The following SMG7 variants were observed in gnomAD, a reference collection of about 807,000 sequenced individuals.
The protein encoded by SMG7 is nonsense-mediated mRNA decay factor SMG7.
A neutral mutation model predicts 148.2 loss-of-function variants in SMG7; 34 were observed. The observed-to-expected ratio is 0.23, with a 90% CI of 0.17 to 0.31. The LOEUF (loss-of-function observed/expected upper bound fraction) is 0.31. Among genes scored for constraint, SMG7 ranks in the 10% least tolerant of loss-of-function variants. The pLI, the probability that SMG7 is intolerant of heterozygous loss-of-function variation, is 1.00. For synonymous variants in SMG7, 492 were observed against 515.1 expected (o/e 0.96, Z 0.61); for missense variants, 1,114 against 1,408.4 (o/e 0.79, Z 3.35).
At chr1:183,498,311 T>G (rs1658994437) in intron 1 of SMG7, among the ~76,000 whole-genome samples, 1 of 152,144 alleles carries the variant, frequency 6.6e-6, no homozygotes, top group Admixed American at 6.5e-5. Flanking sequence ...CGGGAAGATC[T>G]TGAGCCTAGG....
chr1:183,511,606 G>A (rs904572905), intron 1 of SMG7, among the ~76,000 whole-genome samples: 1 of 152,186 alleles, frequency 6.6e-6, no homozygotes, highest in Non-Finnish European at 1.5e-5. Flanking sequence ...GTCGAATGTT[G>A]TAGGACAGTT....
intron 1 of SMG7, among the ~76,000 whole-genome samples, chr1:183,487,818 T>C (rs1011629441): frequency 2.0e-5 from 3 of 152,182 alleles, no homozygotes; most frequent in Non-Finnish European, 2.9e-5. Context: ...AAATATATAA[T>C]GGGAAGCAGG....
chr1:183,473,706 CT>C, intron 1 of SMG7: 1 of 983,292 alleles, frequency 1.0e-6, no homozygotes, highest in Non-Finnish European at 1.2e-6. Flanking sequence ...AAAATTGGTC[CT>C]TTTTGTCTTT....
chr1:183,511,088 G>A (rs996913982), intron 1 of SMG7, among the ~76,000 whole-genome samples: 8 of 151,900 alleles, frequency 5.3e-5, no homozygotes, highest in Non-Finnish European at 1.2e-4. Flanking sequence ...CTTGAGCCCA[G>A]GAGTTGAAGA....
At chr1:183,533,051 T>G (rs1667145880) in intron 8 of SMG7, 113 bp from the exon 9 acceptor site, 3 of 840,270 alleles carry the variant, frequency 3.6e-6, no homozygotes, top group Non-Finnish European at 3.8e-6. Flanking sequence ...TTTACTCATC[T>G]GTAATTCTAT....
intron 22 of SMG7, among the ~76,000 whole-genome samples, chr1:183,551,410 A>C (rs1304431728): frequency 2.6e-5 from 4 of 152,246 alleles, no homozygotes; most frequent in African/African-American, 7.2e-5. Flanking sequence ...TCAGGAGGAC[A>C]AAAACAAAGG....
intron 1 of SMG7, among the ~76,000 whole-genome samples, chr1:183,505,196 C>T (rs1374852914): frequency 6.6e-6 from 1 of 151,970 alleles, no homozygotes; most frequent in African/African-American, 2.4e-5. Context: ...TAAGAGTTGA[C>T]GTAAACTTCT....
rs770916345 is a variant in SMG7 at position 183,545,157 on chromosome 1, C to T, written c.2215C>T (p.Pro739Ser). ...MNQGPQQSQP[P>S]SQQPLTSLPA... ...CCAGGGACCTCAACAATCACAGCCACCTTCCCAGCAACCCCTTACATCTTT... is the reference window on the plus strand; with the variant it reads ...CCAGGGACCTCAACAATCACAGCCATCTTCCCAGCAACCCCTTACATCTTT... Residue 739 changes from proline to serine, a missense_variant, in exon 16 of 23, where the codon CCT becomes TCT. Pro to Ser is a moderately conservative substitution (Grantham distance 74, BLOSUM62 -1). This residue lies in a region of SMG7 where 788 missense variants were observed against 894.5 expected (regional missense o/e 0.88). Transcript: ENST00000688051. 8.1e-6 allele frequency: 13 copies of T among 1,614,098 alleles called. No homozygotes were observed. Among genetic ancestry groups the T allele is most frequent in the Non-Finnish European group, 1.1e-5 (13 of 1,180,012 alleles).
Position 183,545,150 on chromosome 1 carries a change from A to G in SMG7, c.2208A>G (p.Ser736=), listed in dbSNP as rs773290136. The part of the protein sequence containing the change: ...PGPMNQGPQQ[S]QPPSQQPLTS... ...CAATGAACCAGGGACCTCAACAATC[A>G]CAGCCACCTTCCCAGCAACCCCTTA... Residue 736 remains serine (S), a synonymous_variant, in exon 16 of 23, where the codon TCA becomes TCG. Coordinates refer to ENST00000688051, the MANE Select transcript of SMG7 (RefSeq NM_001375584.1). 4.3e-6 allele frequency: 7 copies of G among 1,613,904 alleles called. No homozygotes were observed. The South Asian group carries it at 7.7e-5, about 18-fold the overall frequency.
At position 183,545,059 on chromosome 1, in the gene SMG7, A is replaced by G; in HGVS notation, c.2117A>G (p.Asn706Ser). ...LQPTAHSPAG[N>S]QVQAGKQSHI... is the part of the protein sequence containing the mutation. ...CCTACAGCTCACTCTCCAGCAGGAA[A>G]CCAGGTGCAAGCTGGGAAACAGTCC... The change falls in exon 16 of 23, where the codon AAC (asparagine) becomes AGC (serine). Residue 706 changes from asparagine to serine, a missense_variant. Physicochemically the swap from Asn to Ser is conservative, Grantham distance 46 (BLOSUM62 1). Around this residue, in one of 4 missense-constraint regions of SMG7, gnomAD observed 788 missense variants for 894.5 expected, o/e 0.88. Transcript: ENST00000688051. The G allele has an allele frequency of 6.2e-7, 1 of 1,614,072 alleles. No homozygotes were observed. Among genetic ancestry groups the G allele is most frequent in the Non-Finnish European group, 8.5e-7 (1 of 1,180,002 alleles).
intron 1 of SMG7, among the ~76,000 whole-genome samples, chr1:183,500,279 G>A (rs1399882011): frequency 6.6e-6 from 1 of 152,056 alleles, no homozygotes; most frequent in Non-Finnish European, 1.5e-5. Flanking sequence ...TGAAAACAAA[G>A]TGTGAATTTC....
Position 183,544,955 on chromosome 1 carries a change from C to T in SMG7, c.2013C>T (p.Ile671=), listed in dbSNP as rs766765014. 1 of 1,613,496 alleles carries T rather than the reference C, an allele frequency of 6.2e-7. No homozygotes were observed. The highest frequency in any genetic ancestry group is 8.5e-7 in the Non-Finnish European group (1 of 1,179,730). ...RPGFPPPTYV[I]PPPVAFSMGS... is the part of the protein sequence containing the mutation. ...GGTTTCCGCCCCCAACATATGTTATCCCCCCGCCTGTGGCATTTTCTATGG... is the reference window on the plus strand; with the variant it reads ...GGTTTCCGCCCCCAACATATGTTATTCCCCCGCCTGTGGCATTTTCTATGG... Residue 671 remains isoleucine (I), a synonymous_variant, in exon 16 of 23, where the codon ATC becomes ATT. Coordinates refer to ENST00000688051, the MANE Select transcript of SMG7 (RefSeq NM_001375584.1).
chr1:183,529,881 C>G (rs764054310), intron 8 of SMG7, among the ~76,000 whole-genome samples: 1 of 152,106 alleles, frequency 6.6e-6, no homozygotes, highest in Non-Finnish European at 1.5e-5. Flanking sequence ...TAGATATTGG[C>G]ATTCTCCAAA....
intron 22 of SMG7, 72 bp from the exon 23 acceptor site, chr1:183,551,746 C>G: frequency 8.3e-7 from 1 of 1,205,350 alleles, no homozygotes; most frequent in Non-Finnish European, 1.1e-6. Context: ...TTATATTTGG[C>G]TGGGATTGAA....
intron 10 of SMG7, among the ~76,000 whole-genome samples, chr1:183,536,148 A>T (rs183090719): frequency 3.3e-5 from 5 of 152,208 alleles, no homozygotes; most frequent in African/African-American, 1.2e-4. Flanking sequence ...AAATTGGTTG[A>T]TACATATTCA....
Position 183,553,399 on chromosome 1 carries a change from T to A in SMG7, c.*1468T>A. The A allele has an allele frequency of 1.7e-6, 1 of 605,002 alleles. No homozygotes were observed. Among genetic ancestry groups the A allele is most frequent in the South Asian group, 2.0e-5 (1 of 49,848 alleles). 37.5% of individuals were successfully genotyped at this position (605,002 alleles called of 1,614,324 possible). A position where few individuals can be genotyped will look rare whatever the true frequency, so the allele number is the denominator to read the frequency against. On this transcript the variant is annotated 3_prime_UTR_variant, in exon 23 of 23. Coordinates refer to ENST00000688051, the MANE Select transcript of SMG7 (RefSeq NM_001375584.1). Reference sequence around the variant, plus strand: ...GAGGTCTCTCCTTTGTGTGTCTGTATGTTTGTGTACACACACGTGCCCATC... The same window carrying A: ...GAGGTCTCTCCTTTGTGTGTCTGTAAGTTTGTGTACACACACGTGCCCATC...
chr1:183,522,212 G>A (rs1664918351), intron 4 of SMG7, among the ~76,000 whole-genome samples: 1 of 152,070 alleles, frequency 6.6e-6, no homozygotes, highest in Non-Finnish European at 1.5e-5. Flanking sequence ...TTTGAAATAA[G>A]CAATTGAATA....
chr1:183,472,612 C>CGGCGGA lies in SMG7; in HGVS notation c.-6_-1dup, dbSNP rs1650919782. 6.9e-7 allele frequency: 1 copy of CGGCGGA among 1,444,144 alleles called. No homozygotes were observed. The highest frequency in any genetic ancestry group is 1.4e-5 in the African/African-American group (1 of 69,052). 89.5% of individuals were successfully genotyped at this position (1,444,144 alleles called of 1,614,324 possible). On this transcript the variant is annotated 5_prime_UTR_variant, in exon 1 of 23. Coordinates refer to ENST00000688051, the MANE Select transcript of SMG7 (RefSeq NM_001375584.1). ...GCTTCGCGGGAAGACGCGGCGGCGG[C>CGGCGGA]GGCGGAGGATGAGCCTGCAGAGCGC...
intron 4 of SMG7, among the ~76,000 whole-genome samples, 157 bp from the exon 5 acceptor site, chr1:183,526,439 C>T (rs1665883285): frequency 6.6e-6 from 1 of 152,098 alleles, no homozygotes; most frequent in African/African-American, 2.4e-5. Context: ...TAGGCGTGAG[C>T]CCCTGTGCCA....
Sources: allele counts gnomAD v4.1 joint callset (sites outside exome capture counted in the v4.1 genomes callset), GRCh38; gene constraint gnomAD v4.1.1; regional missense constraint gnomAD v4.1.1; transcripts MANE v1.5; gene names NCBI Gene and HGNC (gene_info 2026-07-23, HGNC 2026-07-21).